STIM2: variants seen among roughly 807,000 people sequenced by gnomAD.
STIM2 encodes stromal interaction molecule 2.
Under a neutral mutation model 85.8 loss-of-function variants are expected in STIM2, and 31 were observed. The observed-to-expected ratio is 0.36, with a 90% confidence interval of 0.27 to 0.49. The LOEUF (loss-of-function observed/expected upper bound fraction) is 0.49. Ranked by LOEUF, STIM2 falls within the 20% of genes least tolerant of loss-of-function variation. The pLI is 0.98. For missense variants in STIM2, 841 were observed against 927.6 expected (o/e 0.91, Z 1.21); for synonymous variants, 356 against 331.1 (o/e 1.08, Z -0.82).
At chr4:27,003,827 C>A (rs535995851) in intron 7 of STIM2, among the ~76,000 whole-genome samples, 1 of 152,266 alleles carries the variant, frequency 6.6e-6, no homozygotes, top group African/African-American at 2.4e-5. Flanking sequence ...TTGCCTTCTC[C>A]ACTGGTAAAG....
intron 1 of STIM2, chr4:26,873,698 G>C: frequency 2.5e-6 from 2 of 812,252 alleles, no homozygotes; most frequent in Non-Finnish European, 2.1e-6. Context: ...GCTTCATCCA[G>C]CTCTTGGGAC....
intron 3 of STIM2, among the ~76,000 whole-genome samples, chr4:26,986,625 A>G (rs1257141435): frequency 4.6e-5 from 7 of 152,190 alleles, no homozygotes; most frequent in Admixed American, 2.0e-4. Flanking sequence ...AAGGCACACA[A>G]ATTCTCTTCC....
At chr4:26,990,489 T>G (rs896740819) in intron 3 of STIM2, among the ~76,000 whole-genome samples, 9 of 152,096 alleles carry the variant, frequency 5.9e-5, no homozygotes, top group African/African-American at 1.9e-4. Context: ...CTGAAACTAT[T>G]AGAAAACATT....
intron 2 of STIM2, among the ~76,000 whole-genome samples, chr4:26,933,348 T>C (rs916309679): frequency 6.6e-6 from 1 of 152,182 alleles, no homozygotes; most frequent in African/African-American, 2.4e-5. Context: ...TTTTTAGATA[T>C]AGAAGTGAGT....
rs33929014 is a variant in STIM2 at position 27,000,052 on chromosome 4, G to GT, written c.625+717dup. On this transcript the variant is annotated intron_variant, in intron 5 of 11. Transcript: ENST00000467087. ...AAAGTACACCTTTTAAAGGAATTAT[G>GT]TTTTTTTTTTTTAGTCAAAAAAGTA... Among the ~76,000 whole-genome samples, 186 of 145,830 alleles carry GT rather than the reference G, an allele frequency of 1.3e-3. 1 individual carries two copies. Among genetic ancestry groups the GT allele is most frequent in the African/African-American group, 2.4e-3 (96 of 39,804 alleles).
At chr4:27,016,658 A>G (rs1002402307) in intron 10 of STIM2, among the ~76,000 whole-genome samples, 1 of 152,346 alleles carries the variant, frequency 6.6e-6, no homozygotes, top group East Asian at 1.9e-4. Context: ...CTAATTGGTT[A>G]GAATTTTACC....
chr4:26,985,706 T>C (rs1577480249), intron 3 of STIM2, among the ~76,000 whole-genome samples: 1 of 152,218 alleles, frequency 6.6e-6, no homozygotes, highest in East Asian at 1.9e-4. Flanking sequence ...TTTTTAACTC[T>C]ACTCTCCTGT....
intron 3 of STIM2, among the ~76,000 whole-genome samples, chr4:26,981,360 T>C (rs1727385014): frequency 6.6e-6 from 1 of 152,254 alleles, no homozygotes; most frequent in South Asian, 2.1e-4. Flanking sequence ...TACCATACTT[T>C]CTTGGAGAAA....
chr4:26,967,254 G>A (rs751995816), intron 3 of STIM2, among the ~76,000 whole-genome samples: 2 of 152,170 alleles, frequency 1.3e-5, no homozygotes, highest in Non-Finnish European at 2.9e-5. Flanking sequence ...TGTTCTAAAA[G>A]CAAACAAAGA....
chr4:26,918,733 A>G (rs1363415211), intron 1 of STIM2, among the ~76,000 whole-genome samples: 2 of 152,152 alleles, frequency 1.3e-5, no homozygotes, highest in Non-Finnish European at 1.5e-5. Context: ...ACAGGAAGTA[A>G]TTTCCATCAG....
Position 26,861,097 on chromosome 4 carries a change from G to C in STIM2, c.-122G>C. 1 of 1,197,636 alleles carries C rather than the reference G, an allele frequency of 8.3e-7. No individual in the cohort carries two copies. The highest frequency in any genetic ancestry group is 1.0e-6 in the Non-Finnish European group (1 of 967,980). The allele number at this position is 1,197,636 out of a possible 1,614,324, so 74.2% of individuals were successfully genotyped here. On this transcript the variant is annotated 5_prime_UTR_variant, in exon 1 of 12. Coordinates refer to ENST00000467087, the MANE Select transcript of STIM2 (RefSeq NM_020860.4). ...GCGGTGGTGGCGCCTCGCGGAGCCG[G>C]CGAGCTGCAGGCGGCCGGGGCGCCG...
chr4:26,899,214 C>T (rs1048383765), intron 1 of STIM2, among the ~76,000 whole-genome samples: 2 of 151,896 alleles, frequency 1.3e-5, no homozygotes, highest in East Asian at 3.8e-4. Flanking sequence ...TACCTTTAAC[C>T]TGTTAATGTG....
intron 2 of STIM2, among the ~76,000 whole-genome samples, chr4:26,951,623 A>G (rs915783326): frequency 2.6e-5 from 4 of 152,126 alleles, no homozygotes; most frequent in Admixed American, 2.0e-4. Flanking sequence ...CGGTCCCTGT[A>G]ACCTCATCTT....
intron 1 of STIM2, among the ~76,000 whole-genome samples, chr4:26,918,180 A>C (rs1724659597): frequency 6.6e-6 from 1 of 151,888 alleles, no homozygotes. Context: ...AAAACACCAA[A>C]ATATTTTTTC....
At chr4:26,979,663 A>G (rs1211958566) in intron 3 of STIM2, among the ~76,000 whole-genome samples, 1 of 152,254 alleles carries the variant, frequency 6.6e-6, no homozygotes, top group Non-Finnish European at 1.5e-5. Context: ...ATTAAAACAT[A>G]TAAAGGCATC....
chr4:26,919,435 A>C, intron 1 of STIM2, 69 bp from the exon 2 acceptor site: 1 of 1,585,248 alleles, frequency 6.3e-7, no homozygotes, highest in Non-Finnish European at 8.5e-7. Context: ...TTTCTTTTAA[A>C]TTATACTCTC....
intron 1 of STIM2, among the ~76,000 whole-genome samples, chr4:26,880,038 A>G (rs1477777237): frequency 1.3e-5 from 2 of 152,182 alleles, no homozygotes; most frequent in East Asian, 1.9e-4. Context: ...CACATAAGAT[A>G]ATTTTCTCCC....
At chr4:27,008,732 G>A in intron 9 of STIM2, 32 bp from the exon 10 acceptor site, 1 of 1,599,806 alleles carries the variant, frequency 6.3e-7, no homozygotes. Context: ...ACCTTTTGAT[G>A]CAGTAAGTAA....
chr4:26,896,040 A>T (rs1333690697), intron 1 of STIM2, among the ~76,000 whole-genome samples: 1 of 152,210 alleles, frequency 6.6e-6, no homozygotes, highest in Non-Finnish European at 1.5e-5. Flanking sequence ...CATCTGGAGC[A>T]TGGAGTCCTC....
Sources: allele counts gnomAD v4.1 joint callset (sites outside exome capture counted in the v4.1 genomes callset), GRCh38; gene constraint gnomAD v4.1.1; transcripts MANE v1.5; gene names NCBI Gene and HGNC (gene_info 2026-07-23, HGNC 2026-07-21).